ACSL3: variants seen among roughly 807,000 people sequenced by gnomAD.
The protein encoded by ACSL3 is fatty acid CoA ligase Acsl3.
A neutral mutation model predicts 84.7 loss-of-function variants in ACSL3; 34 were observed. The observed-to-expected ratio is 0.40, with a 90% CI of 0.31 to 0.53. The LOEUF (loss-of-function observed/expected upper bound fraction) is 0.53, where lower values mean the gene tolerates loss of function less well. Among genes scored for constraint, ACSL3 ranks in the 20% least tolerant of loss-of-function variants. The pLI is 0.48. For missense variants in ACSL3, 680 were observed against 873.1 expected, an observed-to-expected ratio of 0.78 and a Z score of 2.79; for synonymous variants, 315 against 299.4, an observed-to-expected ratio of 1.05 and a Z score of -0.54.
intron 12 of ACSL3, among the ~76,000 whole-genome samples, chr2:222,927,430 A>G (rs1696912371): frequency 6.6e-6 from 1 of 152,248 alleles, no homozygotes; most frequent in South Asian, 2.1e-4. Flanking sequence ...AAAACCACTT[A>G]GCATTTTGGA....
chr2:222,928,670 C>G (rs1696946021), intron 12 of ACSL3, among the ~76,000 whole-genome samples, 192 bp from the exon 13 acceptor site: 1 of 150,932 alleles, frequency 6.6e-6, no homozygotes, highest in Non-Finnish European at 1.5e-5. Flanking sequence ...AAAAAAAAAC[C>G]TCAATGTAGG....
At chr2:222,867,088 C>T (rs1365778010) in intron 1 of ACSL3, among the ~76,000 whole-genome samples, 1 of 152,108 alleles carries the variant, frequency 6.6e-6, no homozygotes, top group Non-Finnish European at 1.5e-5. Flanking sequence ...CCATCTCAGC[C>T]TCCCAAAGTA....
rs1697400179 is a variant in ACSL3 at position 222,944,192 on chromosome 2, A to G, written c.*2538A>G. ...CTTTTCAGTAGTGGATTTGATATTTATAATGTTCTCTAAAGCTTGCAACTT... is the reference window on the plus strand; with the variant it reads ...CTTTTCAGTAGTGGATTTGATATTTGTAATGTTCTCTAAAGCTTGCAACTT... On this transcript the variant is annotated 3_prime_UTR_variant, in exon 17 of 17. Coordinates refer to ENST00000357430, the MANE Select transcript of ACSL3 (RefSeq NM_004457.5). 6.6e-6 allele frequency: 1 copy of G among 152,102 alleles called. No individual in the cohort carries two copies. The highest frequency in any genetic ancestry group is 2.4e-5 in the African/African-American group (1 of 41,428). 9.4% of individuals were successfully genotyped at this position (152,102 alleles called of 1,614,324 possible).
At chr2:222,900,525 CTG>C (rs1281210205) in intron 2 of ACSL3, 147 bp from the exon 3 acceptor site, 1 of 152,118 alleles carries the variant, frequency 6.6e-6, no homozygotes, top group Non-Finnish European at 1.5e-5. Context: ...ATTTTCAAGA[CTG>C]TATTTATTTT....
At position 222,895,470 on chromosome 2, in the gene ACSL3, CTTTTTTTTTTTTTTT is replaced by C. The variant is rs1164470428; in HGVS notation, c.-147-5190_-147-5176del. 3.7e-3 allele frequency among the ~76,000 whole-genome samples: 57 copies of C among 15,606 alleles called. 26 individuals are homozygous for C. Among genetic ancestry groups the C allele is most frequent in the African/African-American group, 0.03 (54 of 1,826 alleles). 10.2% of individuals were successfully genotyped at this position (15,606 alleles called of 152,430 possible). ...CCTGGCCTGTTACCATTACTTTGTT[CTTTTTTTTTTTTTTT>C]TTTTTTTTTTTTTATTGATCATTCT... On this transcript the variant is annotated intron_variant, in intron 2 of 16. Transcript: ENST00000357430.
chr2:222,943,596 T>A lies in ACSL3; in HGVS notation c.*1942T>A, dbSNP rs939140357. ...CTAATGAGGCAGGCTTAAACTCTAT[T>A]TAGTTTCGTTTGTTTTCTCATATGA... On this transcript the variant is annotated 3_prime_UTR_variant, in exon 17 of 17. Coordinates refer to ENST00000357430, the MANE Select transcript of ACSL3 (RefSeq NM_004457.5). The A allele has an allele frequency of 2.0e-5, 3 of 153,750 alleles. No individual in the cohort carries two copies. Among genetic ancestry groups the A allele is most frequent in the African/African-American group, 7.2e-5 (3 of 41,502 alleles). The allele number at this position is 153,750 out of a possible 1,614,324, so 9.5% of individuals were successfully genotyped here.
intron 1 of ACSL3, among the ~76,000 whole-genome samples, chr2:222,887,085 C>T (rs886738269): frequency 1.3e-5 from 2 of 152,222 alleles, no homozygotes; most frequent in Non-Finnish European, 2.9e-5. Context: ...TATTCATCCT[C>T]CTCTGTGCTC....
rs756498135 is a variant in ACSL3 at position 222,927,032 on chromosome 2, A to G, written c.1308A>G (p.Lys436=). The G allele has an allele frequency of 6.2e-7, 1 of 1,611,376 alleles. No individual in the cohort carries two copies. The highest frequency in any genetic ancestry group is 8.5e-7 in the Non-Finnish European group (1 of 1,177,984). ...TTTTCTTTAGCTTTGTTTTCCGGAAAGTTCGAAGCTTGCTAGGGGGAAATA... is the reference window on the plus strand; with the variant it reads ...TTTTCTTTAGCTTTGTTTTCCGGAAGGTTCGAAGCTTGCTAGGGGGAAATA... ...TPLCDSFVFR[K]VRSLLGGNIR... is the part of the protein sequence containing the mutation. Residue 436 remains lysine, a synonymous_variant, in exon 12 of 17, where the codon AAA becomes AAG. Transcript: ENST00000357430.
At chr2:222,866,889 C>T in intron 1 of ACSL3, among the ~76,000 whole-genome samples, 1 of 141,552 alleles carries the variant, frequency 7.1e-6, no homozygotes, top group East Asian at 2.4e-4. Flanking sequence ...TGCTGGAGTG[C>T]AGTGGTGTGA....
At chr2:222,866,990 A>G (rs1254527990) in intron 1 of ACSL3, among the ~76,000 whole-genome samples, 1 of 151,096 alleles carries the variant, frequency 6.6e-6, no homozygotes, top group Non-Finnish European at 1.5e-5. Context: ...ACCCACCACC[A>G]CACTCGGCTA....
At position 222,920,225 on chromosome 2, in the gene ACSL3, A is replaced by G. The variant is rs916580321; in HGVS notation, c.805+1023A>G. Among the ~76,000 whole-genome samples the G allele has an allele frequency of 3.3e-5, 5 of 152,184 alleles. No individual in the cohort carries two copies. The East Asian group carries it at 9.6e-4, about 29-fold the overall frequency. Reference sequence around the variant, plus strand: ...TGGAAGTAAAGACTTCCAAGTGTAAACATTATTTAAGAAATGTATCTTGAC... The same window carrying G: ...TGGAAGTAAAGACTTCCAAGTGTAAGCATTATTTAAGAAATGTATCTTGAC... On this transcript the variant is annotated intron_variant, in intron 7 of 16. Coordinates refer to ENST00000357430, the MANE Select transcript of ACSL3 (RefSeq NM_004457.5).
In ACSL3 at chr2:222,944,619, G is replaced by T. The variant is rs1697413757; in HGVS notation, c.*2965G>T. The T allele has an allele frequency of 1.5e-5, 2 of 136,496 alleles. No individual in the cohort carries two copies. The highest frequency in any genetic ancestry group is 2.7e-5 in the African/African-American group (1 of 37,156). The allele number at this position is 136,496 out of a possible 1,614,324, so 8.5% of individuals were successfully genotyped here. On this transcript the variant is annotated 3_prime_UTR_variant, in exon 17 of 17. Coordinates refer to ENST00000357430, the MANE Select transcript of ACSL3 (RefSeq NM_004457.5). ...GTTTGAAGAATAAAGATCTATAAAA[G>T]TTGAAGTTTCTGATATTAAAGCTCT...
chr2:222,871,955 C>T (rs1695314285), intron 1 of ACSL3, among the ~76,000 whole-genome samples: 1 of 151,764 alleles, frequency 6.6e-6, no homozygotes, highest in Non-Finnish European at 1.5e-5. Flanking sequence ...GTGGCATTCC[C>T]CCCCACCCCC....
intron 2 of ACSL3, among the ~76,000 whole-genome samples, chr2:222,892,705 AAG>A (rs564614117): frequency 7.6e-4 from 116 of 152,324 alleles, no homozygotes; most frequent in Non-Finnish European, 1.4e-3. Flanking sequence ...AGAATTTATT[AAG>A]AGAGTATAGG....
In ACSL3 at chr2:222,908,892, G is replaced by A. The variant is rs778355721; in HGVS notation, c.120G>A (p.Pro40=). Residue 40 remains proline (P), a synonymous_variant, in exon 4 of 17, where the codon CCG becomes CCA. Coordinates refer to ENST00000357430, the MANE Select transcript of ACSL3 (RefSeq NM_004457.5). Reference sequence around the variant, plus strand: ...TTTATACTATTTTAACATACATTCCGTTTTATTTTTTCTCCGAGTCAAGAC... The same window carrying A: ...TTTATACTATTTTAACATACATTCCATTTTATTTTTTCTCCGAGTCAAGAC... ...ISLYTILTYI[P]FYFFSESRQE... is the part of the protein sequence containing the mutation. 37 of 1,610,956 alleles carry A rather than the reference G, an allele frequency of 2.3e-5. No homozygotes were observed. Among genetic ancestry groups the A allele is most frequent in the Middle Eastern group, 1.6e-4 (1 of 6,080 alleles).
At chr2:222,871,299 A>T (rs1331777220) in intron 1 of ACSL3, among the ~76,000 whole-genome samples, 2 of 152,198 alleles carry the variant, frequency 1.3e-5, no homozygotes, top group Non-Finnish European at 2.9e-5. Context: ...AGTTAAAAAA[A>T]TTTATTTTTA....
chr2:222,934,041 G>A (rs756725317), intron 15 of ACSL3, among the ~76,000 whole-genome samples: 3 of 152,048 alleles, frequency 2.0e-5, no homozygotes, highest in Non-Finnish European at 4.4e-5. Context: ...ATTTGCCTTC[G>A]TTGGGCATAG....
At chr2:222,927,247 G>A in intron 12 of ACSL3, 58 bp downstream of exon 12, 1 of 1,574,114 alleles carries the variant, frequency 6.4e-7, no homozygotes. Flanking sequence ...TTTGGGGTAT[G>A]GGATATTTTC....
rs1179566036 is a variant in ACSL3, at chr2:222,942,692, TGTGA to T, written c.*1041_*1044del. The T allele has an allele frequency of 4.7e-6, 1 of 210,776 alleles. No homozygotes were observed. Among genetic ancestry groups the T allele is most frequent in the African/African-American group, 2.3e-5 (1 of 44,188 alleles). The allele number at this position is 210,776 out of a possible 1,614,324, so 13.1% of individuals were successfully genotyped here. A position where few individuals can be genotyped will look rare whatever the true frequency, so the allele number is the denominator to read the frequency against. ...TTGCACTGATGCGTGTATGGATGTG[TGTGA>T]GTCAGTGGTAGCTTATTTAAAAAGC... On this transcript the variant is annotated 3_prime_UTR_variant, in exon 17 of 17. Transcript: ENST00000357430.
Sources: gnomAD v4.1 joint callset for allele counts (sites outside exome capture counted in the v4.1 genomes callset) on GRCh38, gnomAD v4.1.1 for gene constraint, MANE v1.5 for transcripts, NCBI Gene and HGNC (gene_info 2026-07-23, HGNC 2026-07-21) for gene names.